The following CD8A variants were observed in gnomAD, a reference collection of about 807,000 sequenced individuals.
The protein encoded by CD8A is CD8 subunit alpha, also known as T-cell surface glycoprotein CD8 alpha chain.
A neutral mutation model predicts 24.2 loss-of-function variants in CD8A; 25 were observed. That is an observed-to-expected ratio of 1.03 (90% CI 0.75 to 1.44). CD8A has a LOEUF of 1.44. Among genes scored for constraint, CD8A ranks in the 40% most tolerant of loss-of-function variants. The probability of loss-of-function intolerance (pLI) is 0.00; values close to 1 mark genes in which losing one functional copy is unlikely to be tolerated. For synonymous variants in CD8A, 165 were observed against 149.9 expected (o/e 1.10, Z -0.74); for missense variants, 360 against 319.7 (o/e 1.13, Z -0.96).
rs1485987432 is a variant in CD8A at position 86,790,238 on chromosome 2, G to A, written c.403+90C>T. The A allele has an allele frequency of 6.3e-6, 6 of 948,466 alleles. No individual in the cohort carries two copies. The Admixed American group carries it at 7.0e-5, about 11-fold the overall frequency. The allele number at this position is 948,466 out of a possible 1,614,324, so 58.8% of individuals were successfully genotyped here. On this transcript the variant is annotated intron_variant, in intron 2 of 5. Transcript: ENST00000283635. ...TCTAAGTCGCTTCCAGGTGCGCTAA[G>A]AGGCTTGAAAGCAGGGCCCAGGTGT...
chr2:86,790,822 C>G lies in CD8A; in HGVS notation c.4G>C (p.Ala2Pro). The stretch of plus-strand genomic sequence containing the variant: ...AGGAGCAAGGCGGTCACTGGTAAGG[C>G]CATGACGCGCTCCCCAGGACGCTGC... M[A>P]LPVTALLLPL... Residue 2 changes from alanine (A) to proline (P), a missense_variant, in exon 1 of 6, where the codon GCC becomes CCC. By Grantham distance (27) the Ala-to-Pro change is conservative. Coordinates refer to ENST00000283635, the MANE Select transcript of CD8A (RefSeq NM_001768.7). 6.5e-7 allele frequency: 1 copy of G among 1,546,372 alleles called. No homozygotes were observed.
chr2:86,788,243 A>G (rs1673104077), intron 5 of CD8A, among the ~76,000 whole-genome samples: 2 of 99,952 alleles, frequency 2.0e-5, no homozygotes, highest in South Asian at 3.0e-4. Context: ...GGAATCCCTC[A>G]GGTTTTTTTT....
rs188162080 is a variant in CD8A at position 86,785,452 on chromosome 2, A to C, written c.*468T>G. 825 of 455,914 alleles carry C rather than the reference A, an allele frequency of 1.8e-3. 5 individuals carry two copies. Among genetic ancestry groups the C allele is most frequent in the African/African-American group, 0.015 (763 of 50,210 alleles). 28.2% of individuals were successfully genotyped at this position (455,914 alleles called of 1,614,324 possible). A position where few individuals can be genotyped will look rare whatever the true frequency, so the allele number is the denominator to read the frequency against. ...CCCTGAGACAGGGGCCTCGGAAAGA[A>C]AGACCTGAATGGTGTGGAGGAAAGA... is the stretch of plus-strand genomic sequence containing the variant. On this transcript the variant is annotated 3_prime_UTR_variant, in exon 6 of 6. Coordinates refer to ENST00000283635, the MANE Select transcript of CD8A (RefSeq NM_001768.7).
upstream of CD8A, chr2:86,791,539 T>C (rs1471922108): frequency 2.2e-6 from 1 of 454,108 alleles, no homozygotes; most frequent in Non-Finnish European, 4.4e-6. Context: ...TTGGAGCCAT[T>C]GCAACAGCCT....
At position 86,790,409 on chromosome 2, in the gene CD8A, C is replaced by A; in HGVS notation, c.322G>T (p.Glu108Ter). ...GAGCAGAAATAGTAGCCCTCGTTCT[C>A]TCGGCGGAAGTCGCTCAGGGTGAGG... ...FVLTLSDFRR[E>*]NEGYYFCSAL... Residue 108 changes from glutamate (E) to a stop codon, truncating the protein, a stop_gained, in exon 2 of 6, where the codon GAG becomes TAG. Coordinates refer to ENST00000283635, the MANE Select transcript of CD8A (RefSeq NM_001768.7). LOFTEE classifies it high-confidence loss of function. 1.2e-6 allele frequency: 2 copies of A among 1,614,194 alleles called. No homozygotes were observed. Among genetic ancestry groups the A allele is most frequent in the Non-Finnish European group, 1.7e-6 (2 of 1,180,038 alleles).
In CD8A at chr2:86,797,690, T is replaced by A. The variant is rs929872371; in HGVS notation, c.-271+3821A>T. ...TAAATATTTCTGCTATTCACTTTTT[T>A]AAAAAAAAGTTTTGAAAACATTTTA... On this transcript the variant is annotated intron_variant, in intron 3 of 8. Transcript: ENST00000409511. Among the ~76,000 whole-genome samples the A allele has an allele frequency of 8.6e-5, 13 of 151,928 alleles. No homozygotes were observed. In the South Asian group the frequency reaches 1.0e-3, roughly 12 times the overall value.
chr2:86,804,386 G>A (rs1673773058), intron 2 of CD8A, among the ~76,000 whole-genome samples: 1 of 152,156 alleles, frequency 6.6e-6, no homozygotes, highest in Non-Finnish European at 1.5e-5. Flanking sequence ...CAAAATAATA[G>A]AGACAGAAAG....
At chr2:86,806,411 T>C (rs1673899474) in intron 2 of CD8A, among the ~76,000 whole-genome samples, 1 of 152,200 alleles carries the variant, frequency 6.6e-6, no homozygotes, top group Admixed American at 6.5e-5. Flanking sequence ...AGTCAAGAAG[T>C]GGGAGAAGTC....
rs529783126 is a variant in CD8A at position 86,796,296 on chromosome 2, G to A, written c.-270-5201C>T. Among the ~76,000 whole-genome samples the A allele has an allele frequency of 7.2e-5, 11 of 152,246 alleles. No individual in the cohort carries two copies. In the South Asian group the frequency reaches 2.3e-3, roughly 32 times the overall value. Reference sequence around the variant, plus strand: ...CAAAGGGAATGTGGAGAAGAAATATGGGAAGAAAGCATGGCTGAAAATTTT... The same window carrying A: ...CAAAGGGAATGTGGAGAAGAAATATAGGAAGAAAGCATGGCTGAAAATTTT... On this transcript the variant is annotated intron_variant, in intron 3 of 8. Coordinates refer to the CD8A transcript ENST00000409511.
chr2:86,796,941 C>T (rs1673503414), intron 3 of CD8A, among the ~76,000 whole-genome samples: 1 of 152,270 alleles, frequency 6.6e-6, no homozygotes, highest in Admixed American at 6.5e-5. Context: ...GCTATATAAA[C>T]CCCTTAATTT....
intron 3 of CD8A, among the ~76,000 whole-genome samples, chr2:86,801,317 GCT>G (rs898635561): frequency 7.2e-6 from 1 of 139,530 alleles, no homozygotes; most frequent in Non-Finnish European, 1.5e-5. Context: ...CCTCCTTCCC[GCT>G]CTCTTTCTCT....
At chr2:86,795,166 C>G (rs1673440852), upstream of CD8A, among the ~76,000 whole-genome samples, 1 of 152,178 alleles carries the variant, frequency 6.6e-6, no homozygotes, top group Admixed American at 6.5e-5. Flanking sequence ...TTGTCCCTCT[C>G]ATGTTTACAC....
At chr2:86,794,665 T>G (rs189430993), upstream of CD8A, among the ~76,000 whole-genome samples, 19 of 152,244 alleles carry the variant, frequency 1.2e-4, no homozygotes, top group Admixed American at 5.2e-4. Context: ...GCCAACCCCA[T>G]TTCTGCTCTG....
At chr2:86,796,660 G>C (rs1380180973) in intron 3 of CD8A, among the ~76,000 whole-genome samples, 1 of 152,174 alleles carries the variant, frequency 6.6e-6, no homozygotes, top group Non-Finnish European at 1.5e-5. Flanking sequence ...TGGTTTCTTT[G>C]AATAAACATA....
intron 2 of CD8A, among the ~76,000 whole-genome samples, chr2:86,806,441 C>T (rs1458680341): frequency 1.3e-5 from 2 of 152,230 alleles, no homozygotes; most frequent in Non-Finnish European, 2.9e-5. Context: ...CTCCTCCCTT[C>T]CTCCTTGTCC....
At chr2:86,795,561 T>G (rs1311981962), upstream of CD8A, among the ~76,000 whole-genome samples, 1 of 152,212 alleles carries the variant, frequency 6.6e-6, no homozygotes, top group South Asian at 2.1e-4. Flanking sequence ...GGGGCTGGCT[T>G]GCTGGGATCT....
At chr2:86,791,515 A>G (rs1673309654), upstream of CD8A, 1 of 454,028 alleles carries the variant, frequency 2.2e-6, no homozygotes, top group African/African-American at 2.0e-5. Context: ...CTCACCACAC[A>G]GCCTCATCTC....
At chr2:86,805,120 T>G (rs960794529) in intron 2 of CD8A, among the ~76,000 whole-genome samples, 1 of 152,010 alleles carries the variant, frequency 6.6e-6, no homozygotes, top group African/African-American at 2.4e-5. Flanking sequence ...TTTTTTTTAA[T>G]GAGTGAAGGA....
upstream of CD8A, chr2:86,791,163 A>G (rs1035381879): frequency 5.0e-5 from 28 of 563,718 alleles, no homozygotes; most frequent in Non-Finnish European, 7.6e-5. Flanking sequence ...TGTGAGAGTG[A>G]CAGAGTGGGT....
Sources: allele counts gnomAD v4.1 joint callset (sites outside exome capture counted in the v4.1 genomes callset), GRCh38; gene constraint gnomAD v4.1.1; transcripts MANE v1.5; gene names NCBI Gene and HGNC (gene_info 2026-07-23, HGNC 2026-07-21).